CCSER1: variants seen among roughly 807,000 people sequenced by gnomAD.
CCSER1 encodes the protein coiled-coil serine rich protein 1.
In CCSER1, 41 loss-of-function variants were observed where a neutral mutation model predicts 82.0. The ratio of observed to expected loss-of-function variants is 0.50; its 90% confidence interval spans 0.39 to 0.65. CCSER1 has a LOEUF of 0.65. Among genes scored for constraint, CCSER1 ranks in the 30% least tolerant of loss-of-function variants. CCSER1 has a pLI of 0.00. For synonymous variants in CCSER1, 414 were observed against 383.9 expected (o/e 1.08, Z -0.92); for missense variants, 1,119 against 1,064.2 (o/e 1.05, Z -0.72).
chr4:91,269,167 T>A (rs1264776225), intron 10 of CCSER1, among the ~76,000 whole-genome samples: 1 of 152,228 alleles, frequency 6.6e-6, no homozygotes. Flanking sequence ...ATTGAAGGCA[T>A]GCCTTGGGCA....
Position 90,309,143 on chromosome 4 carries a change from T to C in CCSER1, c.859T>C (p.Phe287Leu), listed in dbSNP as rs1310228341. ...SGSMASHCDN[F>L]GHNDSTSQMS... Reference sequence around the variant, plus strand: ...AAGCATGGCATCCCACTGTGACAACTTTGGCCACAATGATTCTACCTCTCA... The same window carrying C: ...AAGCATGGCATCCCACTGTGACAACCTTGGCCACAATGATTCTACCTCTCA... The change falls in exon 2 of 11, where the codon TTT becomes CTT. Residue 287 changes from phenylalanine (F) to leucine (L), a missense_variant. By Grantham distance (22) the Phe-to-Leu change is conservative (BLOSUM62 0). Transcript: ENST00000509176. 6 of 1,613,908 alleles carry C rather than the reference T, an allele frequency of 3.7e-6. No homozygotes were observed. Among genetic ancestry groups the C allele is most frequent in the Non-Finnish European group, 5.1e-6 (6 of 1,179,836 alleles).
intron 7 of CCSER1, among the ~76,000 whole-genome samples, chr4:90,793,897 T>A (rs1755621929): frequency 2.0e-5 from 3 of 152,232 alleles, no homozygotes; most frequent in Non-Finnish European, 2.9e-5. Context: ...GGTTTTGATT[T>A]GCATTTCTCT....
Position 91,599,893 on chromosome 4 carries a change from AT to A in CCSER1, c.*842del, listed in dbSNP as rs1228615871. On this transcript the variant is annotated 3_prime_UTR_variant, in exon 11 of 11. Coordinates refer to ENST00000509176, the MANE Select transcript of CCSER1 (RefSeq NM_001145065.2). ...GAGCCACTGTCATGGCAATATAAAC[AT>A]TTTTTCAAAATTTCAAGGATGAAAC... 1 of 152,124 alleles carries A rather than the reference AT, an allele frequency of 6.6e-6. No homozygotes were observed. Among genetic ancestry groups the A allele is most frequent in the Admixed American group, 6.6e-5 (1 of 15,246 alleles). The allele number at this position is 152,124 out of a possible 1,614,324, so 9.4% of individuals were successfully genotyped here. A position where few individuals can be genotyped will look rare whatever the true frequency, so the allele number is the denominator to read the frequency against.
At chr4:90,745,864 T>C (rs973680735) in intron 7 of CCSER1, among the ~76,000 whole-genome samples, 2 of 142,778 alleles carry the variant, frequency 1.4e-5, no homozygotes, top group South Asian at 2.1e-4. Context: ...TAAATTTTTT[T>C]TAATTTTTTT....
intron 8 of CCSER1, among the ~76,000 whole-genome samples, chr4:90,831,796 CTT>C (rs1411998330): frequency 6.6e-6 from 1 of 151,886 alleles, no homozygotes; most frequent in African/African-American, 2.4e-5. Flanking sequence ...TTTTTGAAAA[CTT>C]TTTAAATGAA....
chr4:90,262,582 G>A (rs531525125), intron 1 of CCSER1, among the ~76,000 whole-genome samples: 7 of 152,212 alleles, frequency 4.6e-5, no homozygotes, highest in South Asian at 2.1e-4. Flanking sequence ...ATGTATCTCC[G>A]GGTAGGAATC....
intron 10 of CCSER1, among the ~76,000 whole-genome samples, chr4:91,450,883 A>T (rs995480585): frequency 2.0e-5 from 3 of 152,042 alleles, no homozygotes; most frequent in African/African-American, 7.2e-5. Context: ...CACAATCCAA[A>T]AAGCCAGGAT....
At chr4:91,511,894 C>T (rs765593752) in intron 10 of CCSER1, among the ~76,000 whole-genome samples, 58 of 152,242 alleles carry the variant, frequency 3.8e-4, no homozygotes, top group Middle Eastern at 3.4e-3. Context: ...GCGCTTGAAT[C>T]ATCCCAAAAC....
intron 1 of CCSER1, among the ~76,000 whole-genome samples, chr4:90,271,858 ATATATTTTTTTTTTTTTTTT>A (rs1437295986): frequency 2.9e-4 from 7 of 24,418 alleles, no homozygotes; most frequent in African/African-American, 2.4e-3. Flanking sequence ...ATATATATAT[ATATATTTTTTTTTTTTTTTT>A]TTTTTTTTTT....
At chr4:91,416,176 A>G (rs1215849630) in intron 10 of CCSER1, among the ~76,000 whole-genome samples, 1 of 152,122 alleles carries the variant, frequency 6.6e-6, no homozygotes, top group East Asian at 1.9e-4. Context: ...GGAGAACTAC[A>G]AACTACTCCT....
At chr4:91,462,931 G>A (rs1462739188) in intron 10 of CCSER1, among the ~76,000 whole-genome samples, 1 of 152,164 alleles carries the variant, frequency 6.6e-6, no homozygotes, top group Non-Finnish European at 1.5e-5. Context: ...ACCTCTGGGG[G>A]CAGGGCATAG....
At chr4:90,286,820 T>C (rs904584678) in intron 1 of CCSER1, among the ~76,000 whole-genome samples, 1 of 152,024 alleles carries the variant, frequency 6.6e-6, no homozygotes. Context: ...TCTTTGGAAA[T>C]ATCACTGTTC....
intron 1 of CCSER1, among the ~76,000 whole-genome samples, chr4:90,194,901 T>C (rs911514299): frequency 6.6e-6 from 1 of 152,078 alleles, no homozygotes; most frequent in Non-Finnish European, 1.5e-5. Context: ...AAAAATATTT[T>C]CTTTGAAGTG....
At chr4:90,928,708 G>T (rs904882292) in intron 9 of CCSER1, among the ~76,000 whole-genome samples, 2 of 152,040 alleles carry the variant, frequency 1.3e-5, no homozygotes, top group Admixed American at 6.5e-5. Context: ...TAAAGAAGGT[G>T]AGGTGAAAAT....
At chr4:90,600,604 C>A (rs554930991) in intron 5 of CCSER1, among the ~76,000 whole-genome samples, 1 of 152,154 alleles carries the variant, frequency 6.6e-6, no homozygotes, top group East Asian at 1.9e-4. Flanking sequence ...CTTCCAGACT[C>A]TGGCTAATCA....
chr4:91,045,157 A>G (rs375517293), intron 9 of CCSER1, among the ~76,000 whole-genome samples: 48 of 152,286 alleles, frequency 3.2e-4, no homozygotes, highest in African/African-American at 1.0e-3. Flanking sequence ...ATTCACACTC[A>G]TCTTGAAATT....
chr4:90,402,735 A>G (rs1385716850), intron 4 of CCSER1, among the ~76,000 whole-genome samples: 2 of 152,232 alleles, frequency 1.3e-5, no homozygotes, highest in African/African-American at 4.8e-5. Flanking sequence ...ATATCTGAAG[A>G]CTTATTTCAG....
chr4:90,751,239 C>CA lies in CCSER1; in HGVS notation c.2010+27254dup, dbSNP rs1211370192. Among the ~76,000 whole-genome samples the CA allele has an allele frequency of 5.3e-5, 8 of 152,064 alleles. No homozygotes were observed. In the East Asian group the frequency reaches 1.5e-3, roughly 29 times the overall value. Reference sequence around the variant, plus strand: ...TATGAGTTTGTTTTAAAGCTTTAGTCAAAAAATACAGGATGAGATTTGTTA... The same window carrying CA: ...TATGAGTTTGTTTTAAAGCTTTAGTCAAAAAAATACAGGATGAGATTTGTTA... On this transcript the variant is annotated intron_variant, in intron 7 of 10. Coordinates refer to ENST00000509176, the MANE Select transcript of CCSER1 (RefSeq NM_001145065.2).
At chr4:91,184,901 C>T (rs1316279443) in intron 10 of CCSER1, among the ~76,000 whole-genome samples, 1 of 152,110 alleles carries the variant, frequency 6.6e-6, no homozygotes, top group Non-Finnish European at 1.5e-5. Flanking sequence ...AATCTCTTCC[C>T]CATAAATTTA....
Sources: allele counts gnomAD v4.1 joint callset (sites outside exome capture counted in the v4.1 genomes callset), GRCh38; gene constraint gnomAD v4.1.1; transcripts MANE v1.5; gene names NCBI Gene and HGNC (gene_info 2026-07-23, HGNC 2026-07-21).